Variants in LRRC28 observed in about 807,000 individuals in gnomAD.
The protein encoded by LRRC28 is leucine rich repeat containing 28.
A neutral mutation model predicts 45.7 loss-of-function variants in LRRC28; 39 were observed. That is an observed-to-expected ratio of 0.85 (90% CI 0.66 to 1.12). The LOEUF (loss-of-function observed/expected upper bound fraction) is 1.12. Ranked by LOEUF, LRRC28 falls within the 50% of genes most tolerant of loss-of-function variation. LRRC28 has a pLI of 0.00. For missense variants in LRRC28, 435 were observed against 438.5 expected (o/e 0.99, Z 0.07); for synonymous variants, 206 against 178.8 (o/e 1.15, Z -1.22).
chr15:99,312,065 A>G (rs892455045), intron 5 of LRRC28, among the ~76,000 whole-genome samples: 2 of 152,206 alleles, frequency 1.3e-5, no homozygotes, highest in African/African-American at 4.8e-5. Flanking sequence ...AAAAATTAAT[A>G]AAGGAAGTTA....
chr15:99,256,593 A>C (rs2081028590), intron 2 of LRRC28, among the ~76,000 whole-genome samples: 1 of 152,240 alleles, frequency 6.6e-6, no homozygotes, highest in Non-Finnish European at 1.5e-5. Flanking sequence ...TGGGAAGCTT[A>C]ATGTAACTTT....
intron 2 of LRRC28, among the ~76,000 whole-genome samples, chr15:99,274,848 T>C (rs2081573686): frequency 6.6e-6 from 1 of 152,196 alleles, no homozygotes; most frequent in Admixed American, 6.5e-5. Flanking sequence ...CTTCTTGTGC[T>C]TAGAAAGCTA....
At position 99,352,546 on chromosome 15, in the gene LRRC28, C is replaced by T. The variant is rs1307511586; in HGVS notation, c.695+75C>T. 4.9e-6 allele frequency: 6 copies of T among 1,234,710 alleles called. No individual in the cohort carries two copies. In the East Asian group the frequency reaches 7.1e-5, roughly 15 times the overall value. 76.5% of individuals were successfully genotyped at this position (1,234,710 alleles called of 1,614,324 possible). The stretch of plus-strand genomic sequence containing the variant: ...GTACTTCTGTTCAATTTTGTCTTTG[C>T]CCTTGATGATATGCTAAACCAGGTA... On this transcript the variant is annotated intron_variant, in intron 7 of 9. Transcript: ENST00000301981.
intron 6 of LRRC28, among the ~76,000 whole-genome samples, chr15:99,351,147 T>A (rs541687452): frequency 1.3e-5 from 2 of 152,224 alleles, no homozygotes; most frequent in South Asian, 2.1e-4. Context: ...TTAGCAAGAC[T>A]GCTCAGGACT....
At chr15:99,254,942 A>G (rs1366520205) in intron 1 of LRRC28, among the ~76,000 whole-genome samples, 2 of 152,230 alleles carry the variant, frequency 1.3e-5, no homozygotes, top group African/African-American at 4.8e-5. Flanking sequence ...GTAATATTAT[A>G]GAATAATACA....
chr15:99,314,026 A>C (rs1376122163), intron 5 of LRRC28, among the ~76,000 whole-genome samples: 1 of 152,154 alleles, frequency 6.6e-6, no homozygotes, highest in East Asian at 1.9e-4. Context: ...AGTTATGAAT[A>C]GTTGTTTTTC....
rs578261988 is a variant in LRRC28, at chr15:99,320,574, A to T, written c.386-13349A>T. The T allele has an allele frequency of 2.0e-4, 31 of 152,320 alleles. No homozygotes were observed. In the South Asian group the frequency reaches 6.4e-3, roughly 32 times the overall value. 9.4% of individuals were successfully genotyped at this position (152,320 alleles called of 1,614,324 possible). ...CATGTTATGCACTTGGAATTATAGG[A>T]GGGAACACATGCTAGTAAGCATGCA... On this transcript the variant is annotated intron_variant, in intron 5 of 9. Transcript: ENST00000301981.
chr15:99,279,014 T>C lies in LRRC28; in HGVS notation c.209+2398T>C, dbSNP rs1031849496. ...GTAGGATAGTTCACAACATAGCAAC[T>C]GTCTTCCATCAGAGCAAGCAAGCCA... On this transcript the variant is annotated intron_variant, in intron 3 of 9. Transcript: ENST00000301981. Among the ~76,000 whole-genome samples, 6 of 152,364 alleles carry C rather than the reference T, an allele frequency of 3.9e-5. 1 individual carries two copies. Among genetic ancestry groups the C allele is most frequent in the African/African-American group, 1.4e-4 (6 of 41,580 alleles).
chr15:99,311,074 C>T (rs1211664390), intron 5 of LRRC28, among the ~76,000 whole-genome samples: 1 of 152,140 alleles, frequency 6.6e-6, no homozygotes, highest in East Asian at 1.9e-4. Context: ...CATGCCATTT[C>T]ACTACCCTTT....
At chr15:99,256,296 C>A in intron 2 of LRRC28, 171 bp downstream of exon 2, 1 of 497,452 alleles carries the variant, frequency 2.0e-6, no homozygotes, top group Non-Finnish European at 3.3e-6. Flanking sequence ...ATTTGTTATC[C>A]AAGTTCGTGC....
chr15:99,385,451 G>C (rs1262637485), intron 9 of LRRC28, among the ~76,000 whole-genome samples: 2 of 152,224 alleles, frequency 1.3e-5, no homozygotes, highest in Non-Finnish European at 2.9e-5. Flanking sequence ...TGGGTCAGAG[G>C]CCCCCTGGGG....
rs1956236397 is a variant in LRRC28, at chr15:99,333,962, C to T, written c.425C>T (p.Ser142Phe). The change falls in exon 6 of 10, where the codon TCT becomes TTT. Residue 142 changes from serine to phenylalanine, a missense_variant. Ser to Phe is a radical substitution (Grantham distance 155). Transcript: ENST00000301981. ...AAGGAGCTGCAGACACTAGACATTTCTACCAATCGTTTGCTAACTTTACCC... is the reference window on the plus strand; with the variant it reads ...AAGGAGCTGCAGACACTAGACATTTTTACCAATCGTTTGCTAACTTTACCC... ...DLKELQTLDI[S>F]TNRLLTLPER... 1 of 1,613,992 alleles carries T rather than the reference C, an allele frequency of 6.2e-7. No homozygotes were observed.
chr15:99,291,029 G>A (rs1289128528), intron 5 of LRRC28, among the ~76,000 whole-genome samples: 1 of 152,062 alleles, frequency 6.6e-6, no homozygotes, highest in Non-Finnish European at 1.5e-5. Context: ...ATTATTCTGT[G>A]TTTTCCTGTA....
intron 9 of LRRC28, among the ~76,000 whole-genome samples, chr15:99,366,480 G>A (rs1957343334): frequency 6.6e-6 from 1 of 152,124 alleles, no homozygotes; most frequent in Non-Finnish European, 1.5e-5. Flanking sequence ...ATGACAGGGT[G>A]GCTTAAACAG....
chr15:99,287,272 T>C lies in LRRC28; in HGVS notation c.225T>C (p.Asn75=). 1 of 1,572,596 alleles carries C rather than the reference T, an allele frequency of 6.4e-7. No individual in the cohort carries two copies. The highest frequency in any genetic ancestry group is 8.6e-7 in the Non-Finnish European group (1 of 1,162,448). ...TCCTTCCTAGATACCTGCACTCAAATAACATAGTTGTGGTTCCGGAAGGTA... is the reference window on the plus strand; with the variant it reads ...TCCTTCCTAGATACCTGCACTCAAACAACATAGTTGTGGTTCCGGAAGGTA... ...PNLVELYLHS[N]NIVVVPEAIG... The change falls in exon 4 of 10, where the codon AAT becomes AAC. Residue 75 remains asparagine (N), a synonymous_variant. Transcript: ENST00000301981.
chr15:99,275,711 G>T (rs1301042263), intron 2 of LRRC28, among the ~76,000 whole-genome samples: 5 of 152,174 alleles, frequency 3.3e-5, no homozygotes, highest in Admixed American at 6.5e-5. Flanking sequence ...CTTGCTGGGA[G>T]TGGCCGGCAA....
At chr15:99,351,759 A>G (rs912775970) in intron 6 of LRRC28, among the ~76,000 whole-genome samples, 2 of 152,236 alleles carry the variant, frequency 1.3e-5, no homozygotes, top group Non-Finnish European at 2.9e-5. Context: ...AAAGCATAGT[A>G]AGGAAGACTT....
chr15:99,264,715 T>G (rs1219234023), intron 2 of LRRC28, among the ~76,000 whole-genome samples: 3 of 152,200 alleles, frequency 2.0e-5, no homozygotes, highest in Non-Finnish European at 2.9e-5. Context: ...AGGAGATTTT[T>G]CTTCTATTCT....
intron 2 of LRRC28, among the ~76,000 whole-genome samples, chr15:99,266,932 T>G (rs1346791609): frequency 1.3e-5 from 2 of 152,108 alleles, no homozygotes; most frequent in African/African-American, 4.8e-5. Flanking sequence ...ATGATTAAAG[T>G]TGGAGATGGA....
Sources: allele counts gnomAD v4.1 joint callset (sites outside exome capture counted in the v4.1 genomes callset), GRCh38; gene constraint gnomAD v4.1.1; transcripts MANE v1.5; gene names NCBI Gene and HGNC (gene_info 2026-07-23, HGNC 2026-07-21).